The following COL6A6 variants were observed in gnomAD, a reference collection of about 807,000 sequenced individuals.
The protein encoded by COL6A6 is collagen alpha-6(VI) chain.
A neutral mutation model predicts 208.6 loss-of-function variants in COL6A6; 183 were observed. The observed-to-expected ratio is 0.88, with a 90% confidence interval of 0.78 to 0.99. COL6A6 has a LOEUF of 0.99. Ranked by LOEUF, COL6A6 falls within the 50% of genes least tolerant of loss-of-function variation. COL6A6 has a pLI of 0.00. For missense variants in COL6A6, 2,816 were observed against 2,815.2 expected (o/e 1.00, Z -0.01); for synonymous variants, 973 against 1,011.8 (o/e 0.96, Z 0.73).
At chr3:130,567,293 C>T (rs781574619) in intron 5 of COL6A6, 31 bp downstream of exon 5, 1 of 1,511,346 alleles carries the variant, frequency 6.6e-7, no homozygotes, top group East Asian at 2.3e-5. Flanking sequence ...ACCTACTGAC[C>T]TTCACTCGCA....
At chr3:130,614,291 A>G (rs1038450490) in intron 23 of COL6A6, among the ~76,000 whole-genome samples, 1 of 152,006 alleles carries the variant, frequency 6.6e-6, no homozygotes, top group Non-Finnish European at 1.5e-5. Context: ...TTTTAGTTCT[A>G]TTTACATGAC....
At chr3:130,616,691 G>A (rs2064538171) in intron 23 of COL6A6, among the ~76,000 whole-genome samples, 1 of 152,066 alleles carries the variant, frequency 6.6e-6, no homozygotes, top group Admixed American at 6.6e-5. Context: ...AAAGTTCGGA[G>A]ATGTTCAATG....
chr3:130,599,937 T>C, intron 20 of COL6A6, 127 bp downstream of exon 20: 1 of 831,118 alleles, frequency 1.2e-6, no homozygotes, highest in Non-Finnish European at 2.0e-6. Context: ...AACTAACTTA[T>C]GACATCTCGC....
Position 130,527,464 on chromosome 3 carries a change from C to T in COL6A6, c.-32+10067C>T, listed in dbSNP as rs146395529. Among the ~76,000 whole-genome samples the T allele has an allele frequency of 3.4e-3, 517 of 152,244 alleles. 3 individuals carry two copies. The highest frequency in any genetic ancestry group is 0.011 in the African/African-American group (446 of 41,534). ...CCATTCAAAAATGTTCAGCACCCCCCGCCAAGGGCATTTTGAAGAAAATCA... is the reference window on the plus strand; with the variant it reads ...CCATTCAAAAATGTTCAGCACCCCCTGCCAAGGGCATTTTGAAGAAAATCA... On this transcript the variant is annotated intron_variant, in intron 1 of 36. Transcript: ENST00000358511.
At chr3:130,662,659 G>A (rs1296699948) in intron 35 of COL6A6, among the ~76,000 whole-genome samples, 1 of 152,132 alleles carries the variant, frequency 6.6e-6, no homozygotes, top group Admixed American at 6.5e-5. Flanking sequence ...TGTAACCTTA[G>A]CACACTGCCC....
chr3:130,554,939 T>C (rs1163823154), intron 1 of COL6A6, among the ~76,000 whole-genome samples: 1 of 152,042 alleles, frequency 6.6e-6, no homozygotes, highest in Non-Finnish European at 1.5e-5. Flanking sequence ...GTACCTCAGT[T>C]GAGGTACCCC....
intron 1 of COL6A6, among the ~76,000 whole-genome samples, chr3:130,552,526 G>A (rs1313064448): frequency 6.6e-6 from 1 of 152,024 alleles, no homozygotes; most frequent in Non-Finnish European, 1.5e-5. Context: ...GCCTATAGGT[G>A]TCATTGCATG....
Position 130,614,806 on chromosome 3 carries a change from C to G in COL6A6, c.4815+4095C>G, listed in dbSNP as rs893132639. ...TCTAGTTTGTGTGCATAGAGGTGTTCATAGTAATCTCTGAGAGGTCTTTTT... is the reference window on the plus strand; with the variant it reads ...TCTAGTTTGTGTGCATAGAGGTGTTGATAGTAATCTCTGAGAGGTCTTTTT... On this transcript the variant is annotated intron_variant, in intron 23 of 36. Transcript: ENST00000358511. Among the ~76,000 whole-genome samples, 4 of 152,066 alleles carry G rather than the reference C, an allele frequency of 2.6e-5. No homozygotes were observed. In the South Asian group the frequency reaches 8.3e-4, roughly 32 times the overall value.
At chr3:130,541,156 G>T (rs2062353773) in intron 1 of COL6A6, among the ~76,000 whole-genome samples, 1 of 152,142 alleles carries the variant, frequency 6.6e-6, no homozygotes, top group African/African-American at 2.4e-5. Flanking sequence ...CAAAGGACAT[G>T]AACAGACACT....
chr3:130,564,637 G>A (rs2062973327), intron 3 of COL6A6, among the ~76,000 whole-genome samples: 1 of 152,202 alleles, frequency 6.6e-6, no homozygotes, highest in African/African-American at 2.4e-5. Flanking sequence ...TGTAACTGCT[G>A]ACTATAGTGT....
At position 130,652,210 on chromosome 3, in the gene COL6A6, G is replaced by A. The variant is rs772147420; in HGVS notation, c.5733+2648G>A. Among the ~76,000 whole-genome samples the A allele has an allele frequency of 1.6e-4, 24 of 152,218 alleles. 1 individual carries two copies. Among genetic ancestry groups the A allele is most frequent in the East Asian group, 5.8e-4 (3 of 5,206 alleles). On this transcript the variant is annotated intron_variant, in intron 33 of 36. Transcript: ENST00000358511. Reference sequence around the variant, plus strand: ...TGCTGAATGAATGAAAAAGCTCAGCGAAGAGCAGTTCTTTGCAACAGGTAT... The same window carrying A: ...TGCTGAATGAATGAAAAAGCTCAGCAAAGAGCAGTTCTTTGCAACAGGTAT...
intron 36 of COL6A6, among the ~76,000 whole-genome samples, chr3:130,667,259 C>G (rs1559804856): frequency 1.3e-5 from 2 of 152,294 alleles, no homozygotes; most frequent in Middle Eastern, 3.4e-3. Flanking sequence ...GTTTGTGAGA[C>G]AGAGTTTCAC....
At chr3:130,609,007 A>G in intron 22 of COL6A6, 43 bp downstream of exon 22, 1 of 1,478,984 alleles carries the variant, frequency 6.8e-7, no homozygotes, top group African/African-American at 1.4e-5. Flanking sequence ...ATAAAGAAGA[A>G]TCTGGGAATG....
rs763706389 is a variant in COL6A6, at chr3:130,649,512, C to A, written c.5683C>A (p.Pro1895Thr). ...GGAGTTCGGCGCGCTTGAAATCATT[C>A]CCGTGGTGATCACTTTCAGCAACGT... ...AMEFGALEIIPVVITFSNVPS... is the reference protein window; with the variant it reads ...AMEFGALEIITVVITFSNVPS... The change falls in exon 33 of 37, where the codon CCC becomes ACC. Residue 1895 changes from proline (P) to threonine (T), a missense_variant. Coordinates refer to ENST00000358511, the MANE Select transcript of COL6A6 (RefSeq NM_001102608.3). 3 of 1,604,012 alleles carry A rather than the reference C, an allele frequency of 1.9e-6. No homozygotes were observed. Among genetic ancestry groups the A allele is most frequent in the Non-Finnish European group, 2.6e-6 (3 of 1,175,098 alleles).
intron 1 of COL6A6, among the ~76,000 whole-genome samples, chr3:130,527,041 A>G (rs1438878452): frequency 6.6e-6 from 1 of 152,212 alleles, no homozygotes; most frequent in East Asian, 1.9e-4. Context: ...ATGTCTCTAC[A>G]TTCCTCTTTT....
chr3:130,574,839 C>G (rs2063256457), intron 8 of COL6A6, among the ~76,000 whole-genome samples: 1 of 152,142 alleles, frequency 6.6e-6, no homozygotes, highest in Non-Finnish European at 1.5e-5. Flanking sequence ...GGTTGAAGAG[C>G]AATGCCTCAA....
chr3:130,584,041 A>G (rs918141289), intron 10 of COL6A6, among the ~76,000 whole-genome samples: 9 of 152,254 alleles, frequency 5.9e-5, no homozygotes, highest in Middle Eastern at 3.4e-3. Flanking sequence ...AAATTAATTA[A>G]TTTTTTAGAA....
At chr3:130,638,411 A>G (rs545669958) in intron 28 of COL6A6, among the ~76,000 whole-genome samples, 3 of 152,236 alleles carry the variant, frequency 2.0e-5, no homozygotes, top group Non-Finnish European at 2.9e-5. Context: ...CTTAATCCCA[A>G]CGCAGAGCCT....
intron 8 of COL6A6, among the ~76,000 whole-genome samples, chr3:130,579,835 C>G (rs938986952): frequency 6.6e-6 from 1 of 152,114 alleles, no homozygotes; most frequent in African/African-American, 2.4e-5. Context: ...TGCATGAGAG[C>G]CTCTTGCTCA....
Sources: allele counts gnomAD v4.1 joint callset (sites outside exome capture counted in the v4.1 genomes callset), GRCh38; gene constraint gnomAD v4.1.1; transcripts MANE v1.5; gene names NCBI Gene and HGNC (gene_info 2026-07-23, HGNC 2026-07-21).